The following LYN variants were observed in gnomAD, a reference collection of about 807,000 sequenced individuals.
The protein encoded by LYN is tyrosine-protein kinase Lyn.
A neutral mutation model predicts 65.0 loss-of-function variants in LYN; 12 were observed. The ratio of observed to expected loss-of-function variants is 0.18; its 90% CI spans 0.12 to 0.30. LYN has a LOEUF of 0.30. LYN is among the 10% of genes least tolerant of loss of function. The pLI is 1.00. For synonymous variants in LYN, 222 were observed against 221.2 expected (o/e 1.00, Z -0.03); for missense variants, 380 against 623.2 (o/e 0.61, Z 4.16).
At chr8:55,936,896 G>T (rs1424267702) in intron 1 of LYN, among the ~76,000 whole-genome samples, 1 of 152,176 alleles carries the variant, frequency 6.6e-6, no homozygotes, top group Non-Finnish European at 1.5e-5. Flanking sequence ...ACCTAGCACA[G>T]GTTCATCTCT....
Position 55,950,444 on chromosome 8 carries a change from G to A in LYN, c.285-15G>A, listed in dbSNP as rs1318482857. 1.9e-6 allele frequency: 3 copies of A among 1,571,668 alleles called. No homozygotes were observed. Among genetic ancestry groups the A allele is most frequent in the East Asian group, 2.2e-5 (1 of 44,682 alleles). ...TAATCTTTTAGCTTCTTTTTGATGTGTATTTCTATTCTAGGCATGGAGAAT... is the reference window on the plus strand; with the variant it reads ...TAATCTTTTAGCTTCTTTTTGATGTATATTTCTATTCTAGGCATGGAGAAT... On this transcript the variant is annotated splice_polypyrimidine_tract_variant and intron_variant, in intron 4 of 12. Transcript: ENST00000519728.
At chr8:55,976,629 G>A (rs184983138) in intron 10 of LYN, among the ~76,000 whole-genome samples, 30 of 152,250 alleles carry the variant, frequency 2.0e-4, no homozygotes, top group African/African-American at 6.0e-4. Flanking sequence ...CTGTCAGAGT[G>A]GGCACCGCAT....
intron 10 of LYN, among the ~76,000 whole-genome samples, chr8:55,978,087 A>G (rs967756807): frequency 1.3e-5 from 2 of 152,162 alleles, no homozygotes; most frequent in Admixed American, 1.3e-4. Context: ...AAGTCTGGAG[A>G]TACTTAAACC....
intron 1 of LYN, among the ~76,000 whole-genome samples, chr8:55,902,413 C>T (rs531188114): frequency 2.7e-5 from 4 of 150,702 alleles, no homozygotes; most frequent in South Asian, 2.1e-4. Context: ...CTGCAACTTC[C>T]GCCTCCCAGG....
chr8:55,968,909 A>G (rs1807532656), intron 9 of LYN, among the ~76,000 whole-genome samples: 1 of 152,114 alleles, frequency 6.6e-6, no homozygotes, highest in Non-Finnish European at 1.5e-5. Context: ...AAGCCATAGG[A>G]GGTTGGAGAG....
At chr8:55,966,637 G>T in intron 8 of LYN, 78 bp from the exon 9 acceptor site, 1 of 1,313,894 alleles carries the variant, frequency 7.6e-7, no homozygotes, top group Non-Finnish European at 1.1e-6. Flanking sequence ...CAAAGTGCTG[G>T]GATTATAGGT....
intron 10 of LYN, among the ~76,000 whole-genome samples, chr8:55,990,239 CAAAAAAAAAA>C (rs34461698): frequency 1.1e-4 from 5 of 45,414 alleles, no homozygotes; most frequent in East Asian, 5.9e-4. Context: ...ACTCTGCCTC[CAAAAAAAAAA>C]AAAAAAAAAA....
intron 1 of LYN, among the ~76,000 whole-genome samples, chr8:55,917,184 A>AAAAAAGAG (rs1290054888): frequency 6.6e-6 from 1 of 151,840 alleles, no homozygotes; most frequent in Non-Finnish European, 1.5e-5. Context: ...TAAAAAAAAA[A>AAAAAAGAG]AAAAAGAGAG....
intron 1 of LYN, among the ~76,000 whole-genome samples, chr8:55,931,346 T>G (rs1437909801): frequency 1.3e-5 from 2 of 150,538 alleles, no homozygotes; most frequent in Admixed American, 6.6e-5. Context: ...CTTGTATACA[T>G]AATTTGTACA....
rs72651500 is a variant in LYN, at chr8:55,959,078, G to A, written c.790+5094G>A. Reference sequence around the variant, plus strand: ...GCACCATTTTACATTCCCATTGACCGTGTGTAAGTGTTCCCTTTCTCCACA... The same window carrying A: ...GCACCATTTTACATTCCCATTGACCATGTGTAAGTGTTCCCTTTCTCCACA... On this transcript the variant is annotated intron_variant, in intron 8 of 12. Coordinates refer to ENST00000519728, the MANE Select transcript of LYN (RefSeq NM_002350.4). Among the ~76,000 whole-genome samples the A allele has an allele frequency of 4.1e-3, 627 of 152,242 alleles. 3 individuals carry two copies. Among genetic ancestry groups the A allele is most frequent in the Non-Finnish European group, 7.6e-3 (517 of 68,012 alleles).
chr8:55,966,946 AG>A, intron 9 of LYN, 49 bp downstream of exon 9: 1 of 1,558,126 alleles, frequency 6.4e-7, no homozygotes, highest in Non-Finnish European at 8.8e-7. Context: ...AAACTCAAAA[AG>A]TAAAATGTGT....
chr8:55,991,570 C>T (rs183938328), intron 10 of LYN, among the ~76,000 whole-genome samples: 1 of 152,164 alleles, frequency 6.6e-6, no homozygotes, highest in African/African-American at 2.4e-5. Context: ...TCATTGTGTA[C>T]AAGATGCCAA....
At chr8:55,887,724 T>G (rs1335627227) in intron 1 of LYN, among the ~76,000 whole-genome samples, 2 of 151,660 alleles carry the variant, frequency 1.3e-5, no homozygotes, top group East Asian at 3.9e-4. Flanking sequence ...ATTCCTGTGC[T>G]TCAGCCTCCT....
At chr8:56,008,118 CA>C (rs1554519937) in intron 12 of LYN, among the ~76,000 whole-genome samples, 1,630 of 64,328 alleles carry the variant, frequency 0.025, 44 homozygotes, top group African/African-American at 0.093. Context: ...GACTCTGCCT[CA>C]AAAAAAAAAT....
intron 9 of LYN, among the ~76,000 whole-genome samples, chr8:55,967,613 A>G (rs1807500788): frequency 6.6e-6 from 1 of 152,030 alleles, no homozygotes; most frequent in African/African-American, 2.4e-5. Flanking sequence ...CCCAGCCTCT[A>G]TTTGTTCTTT....
At chr8:55,911,276 TATATATATA>T (rs1345918951) in intron 1 of LYN, among the ~76,000 whole-genome samples, 6 of 51,640 alleles carry the variant, frequency 1.2e-4, no homozygotes, top group South Asian at 6.8e-4. Context: ...TATATATATA[TATATATATA>T]TTTTTTTTTT....
chr8:55,982,822 T>C (rs986945215), intron 10 of LYN, among the ~76,000 whole-genome samples: 5 of 152,236 alleles, frequency 3.3e-5, no homozygotes, highest in African/African-American at 1.2e-4. Flanking sequence ...CATTTGATCG[T>C]TTCCACTTCA....
intron 10 of LYN, among the ~76,000 whole-genome samples, chr8:55,977,976 G>A (rs747194684): frequency 2.0e-5 from 3 of 152,058 alleles, no homozygotes; most frequent in African/African-American, 7.2e-5. Flanking sequence ...ACTCTGAAAC[G>A]GACAGGACTT....
chr8:55,903,498 A>G (rs529372992), intron 1 of LYN, among the ~76,000 whole-genome samples: 1 of 152,324 alleles, frequency 6.6e-6, no homozygotes, highest in South Asian at 2.1e-4. Flanking sequence ...GTTTTTGATT[A>G]CCAACTTTTC....
Sources: allele counts gnomAD v4.1 joint callset (sites outside exome capture counted in the v4.1 genomes callset), GRCh38; gene constraint gnomAD v4.1.1; transcripts MANE v1.5; gene names NCBI Gene and HGNC (gene_info 2026-07-23, HGNC 2026-07-21).